Variants in EMILIN3 observed in about 807,000 individuals in gnomAD.
EMILIN3 encodes EMILIN-3.
EMILIN3 carries 38 observed loss-of-function variants against 42.8 expected under a neutral mutation model. That is an observed-to-expected ratio of 0.89 (90% confidence interval 0.69 to 1.16). The LOEUF is 1.16. Among genes scored for constraint, EMILIN3 ranks in the 50% most tolerant of loss-of-function variants. The pLI is 0.00. For synonymous variants in EMILIN3, 430 were observed against 440.5 expected (o/e 0.98, Z 0.30); for missense variants, 924 against 999.5 (o/e 0.92, Z 1.02).
chr20:41,362,503 C>G lies in EMILIN3; in HGVS notation c.1066G>C (p.Asp356His), dbSNP rs975279041. ...TGGCGCAGGGCCAGCTCCCGGCCAT[C>G]AAGGCTCTGGTGCAGCCTCCGGCTG... is the stretch of plus-strand genomic sequence containing the variant. The part of the protein sequence containing the change: ...AASRRLHQSL[D>H]GRELALRQEL... The change falls in exon 4 of 4, where the codon GAT becomes CAT. Residue 356 changes from aspartate to histidine, a missense_variant. Coordinates refer to ENST00000332312, the MANE Select transcript of EMILIN3 (RefSeq NM_052846.2). 1 of 1,599,480 alleles carries G rather than the reference C, an allele frequency of 6.3e-7. No homozygotes were observed. Among genetic ancestry groups the G allele is most frequent in the Non-Finnish European group, 8.5e-7 (1 of 1,179,480 alleles).
At position 41,362,525 on chromosome 20, in the gene EMILIN3, G is replaced by A. The variant is rs1254032784; in HGVS notation, c.1044C>T (p.Ser348=). The A allele has an allele frequency of 6.3e-7, 1 of 1,599,028 alleles. No homozygotes were observed. Among genetic ancestry groups the A allele is most frequent in the East Asian group, 2.2e-5 (1 of 44,820 alleles). Residue 348 remains serine, a synonymous_variant, in exon 4 of 4, where the codon AGC becomes AGT. Coordinates refer to ENST00000332312, the MANE Select transcript of EMILIN3 (RefSeq NM_052846.2). Reference sequence around the variant, plus strand: ...CATCAAGGCTCTGGTGCAGCCTCCGGCTGGCGGCCTGACCCTCCTCACATT... The same window carrying A: ...CATCAAGGCTCTGGTGCAGCCTCCGACTGGCGGCCTGACCCTCCTCACATT... ...RRQCEEGQAA[S]RRLHQSLDGR...
chr20:41,365,314 G>A (rs959990111), intron 1 of EMILIN3, among the ~76,000 whole-genome samples, 157 bp from the exon 2 acceptor site: 2 of 152,182 alleles, frequency 1.3e-5, no homozygotes, highest in East Asian at 3.9e-4. Flanking sequence ...CCCTTGGTCT[G>A]GGGTCCAGCC....
At chr20:41,363,143 C>CTTTTT in intron 3 of EMILIN3, 89 bp from the exon 4 acceptor site, 2 of 974,534 alleles carry the variant, frequency 2.1e-6, no homozygotes, top group Non-Finnish European at 2.9e-6. Context: ...ACTTTCTGTT[C>CTTTTT]TTTTTTTTTT....
chr20:41,361,414 T>G lies in EMILIN3; in HGVS notation c.2155A>C (p.Arg719=). ...TGGCTCCACAGGCCCTCTCTGGGCC[T>G]CAGTGGCTCAGTGGGCAAGCTGTCC... ...GLDSLPTEPL[R]PREGLWSHVD... The change falls in exon 4 of 4, where the codon AGG becomes CGG. Residue 719 remains arginine (R), a synonymous_variant. Coordinates refer to ENST00000332312, the MANE Select transcript of EMILIN3 (RefSeq NM_052846.2). The G allele has an allele frequency of 3.1e-6, 5 of 1,610,966 alleles. No individual in the cohort carries two copies. Among genetic ancestry groups the G allele is most frequent in the Non-Finnish European group, 3.4e-6 (4 of 1,178,536 alleles).
intron 1 of EMILIN3, 65 bp from the exon 2 acceptor site, chr20:41,365,222 C>A: frequency 6.3e-7 from 1 of 1,590,436 alleles, no homozygotes; most frequent in Non-Finnish European, 8.6e-7. Context: ...CGCCTACCCT[C>A]CCACCTCCAT....
Position 41,362,117 on chromosome 20 carries a change from C to T in EMILIN3, c.1452G>A (p.Leu484=). ...CGCTGTCATGGCTTAGCTCCCCAGC[C>T]AATGTTGCTAGGCGCTCCTCGAGGC... is the stretch of plus-strand genomic sequence containing the variant. The part of the protein sequence containing the change: ...VQSLEERLAT[L]AGELSHDSAS... Residue 484 remains leucine, a synonymous_variant, in exon 4 of 4, where the codon TTG becomes TTA. Transcript: ENST00000332312. 1 of 1,605,996 alleles carries T rather than the reference C, an allele frequency of 6.2e-7. No individual in the cohort carries two copies. The highest frequency in any genetic ancestry group is 8.5e-7 in the Non-Finnish European group (1 of 1,173,928).
rs932408578 is a variant in EMILIN3 at position 41,361,715 on chromosome 20, G to A, written c.1854C>T (p.Ser618=). 1.9e-6 allele frequency: 3 copies of A among 1,612,442 alleles called. No individual in the cohort carries two copies. In the African/African-American group the frequency reaches 4.0e-5, roughly 22 times the overall value. The part of the protein sequence containing the change: ...YSDAFLAANT[S]LDERERKVEA... ...CCACCTTGCGTTCCCGCTCATCCAG[G>A]GACGTGTTGGCAGCCAAGAAGGCAT... Residue 618 remains serine (S), a synonymous_variant, in exon 4 of 4, where the codon TCC becomes TCT. Coordinates refer to ENST00000332312, the MANE Select transcript of EMILIN3 (RefSeq NM_052846.2).
chr20:41,361,493 C>G lies in EMILIN3; in HGVS notation c.2076G>C (p.Arg692=). 6.2e-7 allele frequency: 1 copy of G among 1,608,472 alleles called. No homozygotes were observed. Among genetic ancestry groups the G allele is most frequent in the Non-Finnish European group, 8.5e-7 (1 of 1,176,932 alleles). ...LQHTVGHFDQ[R]VAQVEGACRR... ...TGCACGCACCCTCCACTTGTGCCAC[C>G]CGCTGGTCAAAGTGTCCCACTGTGT... The change falls in exon 4 of 4, where the codon CGG becomes CGC. Residue 692 remains arginine (R), a synonymous_variant. Transcript: ENST00000332312.
rs2046369710 is a variant in EMILIN3, at chr20:41,362,475, T to C, written c.1094A>G (p.Glu365Gly). 1 of 1,599,482 alleles carries C rather than the reference T, an allele frequency of 6.3e-7. No homozygotes were observed. Among genetic ancestry groups the C allele is most frequent in the Non-Finnish European group, 8.5e-7 (1 of 1,179,484 alleles). The stretch of plus-strand genomic sequence containing the variant: ...CAGCTGGCTGCCCAGCTGTGACAGC[T>C]CCTGGCGCAGGGCCAGCTCCCGGCC... The part of the protein sequence containing the change: ...LDGRELALRQ[E>G]LSQLGSQLQG... The change falls in exon 4 of 4, where the codon GAG (glutamate) becomes GGG (glycine). Residue 365 changes from glutamate (E) to glycine (G), a missense_variant. Transcript: ENST00000332312.
In EMILIN3 at chr20:41,362,900, A is replaced by G. The variant is rs2046373565; in HGVS notation, c.669T>C (p.Pro223=). ...MTGGPRAPAV[P]VGFGVIPEGL... ...CCTCAGGGATGACCCCAAAGCCCAC[A>G]GGGACAGCAGGAGCCCTGGGGCCAC... The change falls in exon 4 of 4, where the codon CCT becomes CCC. Residue 223 remains proline, a synonymous_variant. Coordinates refer to ENST00000332312, the MANE Select transcript of EMILIN3 (RefSeq NM_052846.2). 19 of 1,613,454 alleles carry G rather than the reference A, an allele frequency of 1.2e-5. No homozygotes were observed. The South Asian group carries it at 2.1e-4, about 18-fold the overall frequency.
Position 41,365,101 on chromosome 20 carries a change from G to A in EMILIN3, c.224C>T (p.Ala75Val), listed in dbSNP as rs562547961. The A allele has an allele frequency of 2.7e-5, 43 of 1,613,992 alleles. No individual in the cohort carries two copies. Among genetic ancestry groups the A allele is most frequent in the Middle Eastern group, 1.7e-4 (1 of 6,060 alleles). The change falls in exon 2 of 4, where the codon GCG becomes GTG. Residue 75 changes from alanine (A) to valine (V), a missense_variant. Transcript: ENST00000332312. ...RNVTCILQEGAESYVKAEYRQ... is the reference protein window; with the variant it reads ...RNVTCILQEGVESYVKAEYRQ... ...GTATTCAGCCTTTACGTAGCTCTCC[G>A]CTCCCTCCTGTAGGATGCAGGTCAC...
chr20:41,366,356 G>C lies in EMILIN3; in HGVS notation c.167+112C>G. On this transcript the variant is annotated intron_variant, in intron 1 of 3. Coordinates refer to ENST00000332312, the MANE Select transcript of EMILIN3 (RefSeq NM_052846.2). The surrounding 1 kb of genome is among the most constrained non-coding windows in gnomAD (Gnocchi z 4.2). ...CCGGGCGCCGCCCCCTCTGTGCAGC[G>C]GCCTCGGGGTGCCCGGGGCCTCGAC... The C allele has an allele frequency of 6.2e-6, 5 of 807,898 alleles. No individual in the cohort carries two copies. The highest frequency in any genetic ancestry group is 7.7e-6 in the Non-Finnish European group (5 of 649,304). The allele number at this position is 807,898 out of a possible 1,614,324, so 50.0% of individuals were successfully genotyped here.
rs762168753 is a variant in EMILIN3 at position 41,361,854 on chromosome 20, A to C, written c.1715T>G (p.Leu572Arg). ...AAGTGAGCTGCCCGTCCCTTCTGCC[A>C]GCTGTCCCTGGACCTCGGCCACAGT... ...NGTVAEVQGQ[L>R]AEGTGSSLQG... Residue 572 changes from leucine to arginine, a missense_variant, in exon 4 of 4, where the codon CTG (leucine) becomes CGG (arginine). Coordinates refer to ENST00000332312, the MANE Select transcript of EMILIN3 (RefSeq NM_052846.2). 1 of 1,613,564 alleles carries C rather than the reference A, an allele frequency of 6.2e-7. No homozygotes were observed. Among genetic ancestry groups the C allele is most frequent in the Non-Finnish European group, 8.5e-7 (1 of 1,180,036 alleles).
chr20:41,361,765 T>C lies in EMILIN3; in HGVS notation c.1804A>G (p.Ser602Gly). 18 of 1,613,634 alleles carry C rather than the reference T, an allele frequency of 1.1e-5. No individual in the cohort carries two copies. Among genetic ancestry groups the C allele is most frequent in the Non-Finnish European group, 1.4e-5 (17 of 1,180,008 alleles). The change falls in exon 4 of 4, where the codon AGT becomes GGT. Residue 602 changes from serine to glycine, a missense_variant. Ser to Gly is a moderately conservative substitution (Grantham distance 56). Coordinates refer to ENST00000332312, the MANE Select transcript of EMILIN3 (RefSeq NM_052846.2). ...NSVSKSLTGLSDSVSQYSDAF... is the reference protein window; with the variant it reads ...NSVSKSLTGLGDSVSQYSDAF... ...TCAGAGTACTGGCTGACAGAGTCACTGAGGCCTGTGAGCGACTTGCTCACT... is the reference window on the plus strand; with the variant it reads ...TCAGAGTACTGGCTGACAGAGTCACCGAGGCCTGTGAGCGACTTGCTCACT...
Position 41,366,433 on chromosome 20 carries a change from CT to C in EMILIN3, c.167+34del. 1 of 1,108,680 alleles carries C rather than the reference CT, an allele frequency of 9.0e-7. No homozygotes were observed. Among genetic ancestry groups the C allele is most frequent in the East Asian group, 5.0e-5 (1 of 20,184 alleles). 68.7% of individuals were successfully genotyped at this position (1,108,680 alleles called of 1,614,324 possible). A position where few individuals can be genotyped will look rare whatever the true frequency, so the allele number is the denominator to read the frequency against. ...AGCGGCGACGCGCGCGGGCCCATCCCTCCCTCTTCCCGCCCGCCGCCCGCCC... is the reference window on the plus strand; with the variant it reads ...AGCGGCGACGCGCGCGGGCCCATCCCCCCTCTTCCCGCCCGCCGCCCGCCC... On this transcript the variant is annotated intron_variant, in intron 1 of 3. Coordinates refer to ENST00000332312, the MANE Select transcript of EMILIN3 (RefSeq NM_052846.2). The surrounding 1 kb of genome is among the most constrained non-coding windows in gnomAD (Gnocchi z 4.2).
intron 3 of EMILIN3, 128 bp downstream of exon 3, chr20:41,363,509 TG>T: frequency 2.3e-6 from 2 of 882,728 alleles, no homozygotes; most frequent in Non-Finnish European, 3.4e-6. Context: ...GGGGTGAAAG[TG>T]GGGCTTGGGG....
rs1246840647 is a variant in EMILIN3 at position 41,362,294 on chromosome 20, A to G, written c.1275T>C (p.Ala425=). Reference sequence around the variant, plus strand: ...CGTCCACACCTCCCTCGAGCATGGCAGCAGAGAGCCTCGTAAGCTCATCCC... The same window carrying G: ...CGTCCACACCTCCCTCGAGCATGGCGGCAGAGAGCCTCGTAAGCTCATCCC... The part of the protein sequence containing the change: ...PAGDELTRLS[A]AMLEGGVDGL... Residue 425 remains alanine, a synonymous_variant, in exon 4 of 4, where the codon GCT becomes GCC. Coordinates refer to ENST00000332312, the MANE Select transcript of EMILIN3 (RefSeq NM_052846.2). The G allele has an allele frequency of 1.9e-6, 3 of 1,612,652 alleles. No individual in the cohort carries two copies. Among genetic ancestry groups the G allele is most frequent in the Non-Finnish European group, 2.5e-6 (3 of 1,179,826 alleles).
Position 41,361,501 on chromosome 20 carries a change from C to T in EMILIN3, c.2068G>A (p.Asp690Asn), listed in dbSNP as rs976661757. 3.2e-5 allele frequency: 51 copies of T among 1,608,740 alleles called. No individual in the cohort carries two copies. Among genetic ancestry groups the T allele is most frequent in the Non-Finnish European group, 4.1e-5 (48 of 1,177,502 alleles). ...QKLQHTVGHF[D>N]QRVAQVEGAC... Reference sequence around the variant, plus strand: ...CCCTCCACTTGTGCCACCCGCTGGTCAAAGTGTCCCACTGTGTGCTGAAGT... The same window carrying T: ...CCCTCCACTTGTGCCACCCGCTGGTTAAAGTGTCCCACTGTGTGCTGAAGT... Residue 690 changes from aspartate to asparagine, a missense_variant, in exon 4 of 4, where the codon GAC becomes AAC. Coordinates refer to ENST00000332312, the MANE Select transcript of EMILIN3 (RefSeq NM_052846.2).
rs764631279 is a variant in EMILIN3, at chr20:41,362,351, G to A, written c.1218C>T (p.Thr406=). The A allele has an allele frequency of 2.2e-5, 36 of 1,608,878 alleles. No homozygotes were observed. The highest frequency in any genetic ancestry group is 4.5e-5 in the East Asian group (2 of 44,884). Residue 406 remains threonine, a synonymous_variant, in exon 4 of 4, where the codon ACC becomes ACT. Transcript: ENST00000332312. The part of the protein sequence containing the change: ...DGLERALQAV[T]ETQRGPGAPA... ...GGGCACCGGGGCCCCTTTGGGTCTC[G>A]GTGACTGCCTGCAGGGCCCTCTCAA...
Sources: allele counts gnomAD v4.1 joint callset (sites outside exome capture counted in the v4.1 genomes callset), GRCh38; gene constraint gnomAD v4.1.1; non-coding constraint Gnocchi (gnomAD v3.1); transcripts MANE v1.5; gene names NCBI Gene and HGNC (gene_info 2026-07-23, HGNC 2026-07-21).